The following NBAS variants were observed in gnomAD, a reference collection of about 807,000 sequenced individuals.
NBAS encodes NAG/BC035112 fusion.
Under a neutral mutation model 302.5 loss-of-function variants are expected in NBAS, and 219 were observed. The ratio of observed to expected loss-of-function variants is 0.72; its 90% confidence interval spans 0.65 to 0.81. The LOEUF (loss-of-function observed/expected upper bound fraction) is 0.81, where lower values mean the gene tolerates loss of function less well. Among genes scored for constraint, NBAS ranks in the 30% least tolerant of loss-of-function variants. The pLI is 0.00. For synonymous variants in NBAS, 1,118 were observed against 1,021.6 expected, an observed-to-expected ratio of 1.09 and a Z score of -1.80; for missense variants, 2,932 against 2,841.6, an observed-to-expected ratio of 1.03 and a Z score of -0.72.
chr2:15,010,171 G>T, the NBAS span, among the ~76,000 whole-genome samples: 1 of 151,964 alleles, frequency 6.6e-6, no homozygotes, highest in African/African-American at 2.4e-5. Flanking sequence ...ACCCATACAG[G>T]AACACCAAGA....
At chr2:14,890,668 A>C in the NBAS span, 2 of 152,176 alleles carry the variant, frequency 1.3e-5, no homozygotes, top group African/African-American at 4.8e-5. Context: ...AAATACAAAA[A>C]TTAGCCGGGC....
At chr2:15,105,066 T>C in the NBAS span, among the ~76,000 whole-genome samples, 1 of 152,118 alleles carries the variant, frequency 6.6e-6, no homozygotes, top group Non-Finnish European at 1.5e-5. Flanking sequence ...CATCATGGGA[T>C]ACTATGCAGC....
chr2:15,232,799 A>G (rs1024392219), intron 46 of NBAS, among the ~76,000 whole-genome samples: 1 of 152,172 alleles, frequency 6.6e-6, no homozygotes, highest in African/African-American at 2.4e-5. Flanking sequence ...GTTGAACATT[A>G]ACTGTATTGA....
chr2:15,080,682 C>T, the NBAS span, among the ~76,000 whole-genome samples: 1 of 152,188 alleles, frequency 6.6e-6, no homozygotes, highest in African/African-American at 2.4e-5. Context: ...GAAGACCCGA[C>T]AGCTTCACTC....
chr2:15,238,410 GA>G, intron 45 of NBAS, 57 bp downstream of exon 45: 1 of 1,541,986 alleles, frequency 6.5e-7, no homozygotes, highest in Non-Finnish European at 8.9e-7. Flanking sequence ...AACTTTCAAG[GA>G]AAAAAGAAAG....
In NBAS at chr2:15,404,297, G is replaced by A. The variant is rs74350956; in HGVS notation, c.2938-1996C>T. Among the ~76,000 whole-genome samples, 1,029 of 152,124 alleles carry A rather than the reference G, an allele frequency of 6.8e-3. 11 individuals carry two copies. The highest frequency in any genetic ancestry group is 0.022 in the African/African-American group (928 of 41,512). ...CAGGCTCTCATAATCCTGCATTCAGGAAGAATGAAAGAAATTGAGAGAAGA... is the reference window on the plus strand; with the variant it reads ...CAGGCTCTCATAATCCTGCATTCAGAAAGAATGAAAGAAATTGAGAGAAGA... On this transcript the variant is annotated intron_variant, in intron 25 of 51. Transcript: ENST00000281513.
intron 25 of NBAS, among the ~76,000 whole-genome samples, chr2:15,403,897 GTGTC>G (rs1254340327): frequency 7.8e-4 from 105 of 134,844 alleles, no homozygotes; most frequent in African/African-American, 2.7e-3. Flanking sequence ...GTGTGTGTGT[GTGTC>G]TATACACTTT....
Position 15,292,704 on chromosome 2 carries a change from G to A in NBAS, c.4860C>T (p.Ala1620=). ...TRHVTRHEHE[A]WPEDLISLTK... is the part of the protein sequence containing the mutation. ...TCAGTGAAATAAGGTCTTCAGGCCA[G>A]GCTTCGTGCTCATGTCGAGTCACAT... Residue 1620 remains alanine (A), a synonymous_variant, in exon 41 of 52, where the codon GCC becomes GCT. Coordinates refer to ENST00000281513, the MANE Select transcript of NBAS (RefSeq NM_015909.4). 6.2e-7 allele frequency: 1 copy of A among 1,614,174 alleles called. No homozygotes were observed. Among genetic ancestry groups the A allele is most frequent in the Non-Finnish European group, 8.5e-7 (1 of 1,180,036 alleles).
At chr2:15,142,745 T>C in the NBAS span, among the ~76,000 whole-genome samples, 3 of 152,318 alleles carry the variant, frequency 2.0e-5, no homozygotes, top group Non-Finnish European at 4.4e-5. Context: ...CAGAGGATGA[T>C]GGAGAGGGGA....
intron 25 of NBAS, 143 bp downstream of exon 25, chr2:15,415,403 T>C: frequency 1.3e-6 from 1 of 795,968 alleles, no homozygotes; most frequent in Non-Finnish European, 2.1e-6. Flanking sequence ...TGTTAAAACT[T>C]TTTAAACAAT....
intron 16 of NBAS, among the ~76,000 whole-genome samples, chr2:15,472,139 G>A (rs1166706143): frequency 6.6e-6 from 1 of 152,174 alleles, no homozygotes; most frequent in East Asian, 1.9e-4. Context: ...CTCTGTGGTA[G>A]CATATCTCAT....
the NBAS span, among the ~76,000 whole-genome samples, chr2:14,813,444 T>C: frequency 2.0e-5 from 3 of 152,212 alleles, no homozygotes; most frequent in Non-Finnish European, 4.4e-5. Flanking sequence ...ATCCTCGTTA[T>C]GTTTTAGCAA....
chr2:15,301,882 T>C (rs889054870), intron 40 of NBAS, among the ~76,000 whole-genome samples: 2 of 151,998 alleles, frequency 1.3e-5, no homozygotes, highest in South Asian at 2.1e-4. Context: ...AAGGATGAAG[T>C]TGGAAAAACA....
intron 22 of NBAS, among the ~76,000 whole-genome samples, chr2:15,425,136 G>A (rs1207211510): frequency 6.9e-6 from 1 of 145,040 alleles, no homozygotes; most frequent in Non-Finnish European, 1.5e-5. Context: ...GAATGATCAT[G>A]GCCAATTGCC....
the NBAS span, among the ~76,000 whole-genome samples, chr2:15,085,842 C>G: frequency 6.2e-4 from 95 of 152,340 alleles, no homozygotes; most frequent in East Asian, 0.012. Flanking sequence ...CCCCTGCCAC[C>G]TCAGGCCCTG....
chr2:15,080,785 G>A, the NBAS span, among the ~76,000 whole-genome samples: 1 of 152,218 alleles, frequency 6.6e-6, no homozygotes, highest in Non-Finnish European at 1.5e-5. Context: ...CAGCATGACA[G>A]TTTCAGGATA....
chr2:14,895,739 C>CACAAAAAAAAA, the NBAS span, among the ~76,000 whole-genome samples: 1 of 95,474 alleles, frequency 1.0e-5, no homozygotes. Context: ...GACTCCGTCT[C>CACAAAAAAAAA]AAAAAAAAAA....
At chr2:14,804,872 G>T in the NBAS span, among the ~76,000 whole-genome samples, 2 of 152,162 alleles carry the variant, frequency 1.3e-5, no homozygotes, top group Non-Finnish European at 2.9e-5. Flanking sequence ...AGGCCTAAAA[G>T]ATATTTAAAA....
the NBAS span, among the ~76,000 whole-genome samples, chr2:15,016,930 C>A: frequency 6.6e-6 from 1 of 152,152 alleles, no homozygotes; most frequent in Non-Finnish European, 1.5e-5. Flanking sequence ...GCATAATAAT[C>A]ACATCATGTA....
Sources: allele counts gnomAD v4.1 joint callset (sites outside exome capture counted in the v4.1 genomes callset), GRCh38; gene constraint gnomAD v4.1.1; transcripts MANE v1.5; gene names NCBI Gene and HGNC (gene_info 2026-07-23, HGNC 2026-07-21).